Variants in AFF2 observed in about 807,000 individuals in gnomAD.
The protein encoded by AFF2 is ALF transcription elongation factor 2.
AFF2 carries 14 observed loss-of-function variants against 76.9 expected under a neutral mutation model. The ratio of observed to expected loss-of-function variants is 0.18; its 90% CI spans 0.12 to 0.28. AFF2 has a LOEUF of 0.28. Ranked by LOEUF, AFF2 falls within the 10% of genes least tolerant of loss-of-function variation. The pLI, the probability that AFF2 is intolerant of heterozygous loss-of-function variation, is 1.00. For synonymous variants in AFF2, 398 were observed against 366.7 expected, an observed-to-expected ratio of 1.09 and a Z score of -0.98; for missense variants, 868 against 1,001.1, an observed-to-expected ratio of 0.87 and a Z score of 1.79.
At chrX:148,671,682 C>G (rs1421140598) in intron 3 of AFF2, among the ~76,000 whole-genome samples, 1 of 111,358 alleles carries the variant, frequency 9.0e-6, no homozygotes, top group Non-Finnish European at 1.9e-5. Context: ...CAGTTTCTGA[C>G]TTTGTAAGAC....
At chrX:148,522,824 C>A (rs1557234703) in intron 1 of AFF2, among the ~76,000 whole-genome samples, 4 of 112,374 alleles carry the variant, frequency 3.6e-5, no homozygotes. Context: ...ACGTTCATTT[C>A]TTGCAACTAA....
chrX:148,535,931 GC>G (rs1393964337), intron 1 of AFF2, among the ~76,000 whole-genome samples: 2 of 111,990 alleles, frequency 1.8e-5, no homozygotes, highest in African/African-American at 6.5e-5. Context: ...TGCCTAGAGT[GC>G]CCCCCTCATT....
rs782716064 is a variant in AFF2, at chrX:148,693,644, G to A, written c.1041+30876G>A. 4.4e-4 allele frequency among the ~76,000 whole-genome samples: 49 copies of A among 111,580 alleles called. 1 individual carries two copies. Among genetic ancestry groups the A allele is most frequent in the Non-Finnish European group, 4.1e-4 (22 of 53,110 alleles). ...TTGACTCAACTTGATGTCTGTTTCTGGCTCTGGCCTCCTGGACTAAGCCAC... is the reference window on the plus strand; with the variant it reads ...TTGACTCAACTTGATGTCTGTTTCTAGCTCTGGCCTCCTGGACTAAGCCAC... On this transcript the variant is annotated intron_variant, in intron 3 of 20. Transcript: ENST00000370460.
At chrX:148,719,815 A>G (rs782112145) in intron 3 of AFF2, among the ~76,000 whole-genome samples, 5 of 111,629 alleles carry the variant, frequency 4.5e-5, no homozygotes, top group African/African-American at 1.6e-4. Context: ...ACCAGCAACA[A>G]TGACAACAAA....
rs1383826308 is a variant in AFF2, at chrX:148,987,412, C to T, written c.3669C>T (p.Asn1223=). 35 of 1,208,862 alleles carry T rather than the reference C, an allele frequency of 2.9e-5. No homozygotes were observed. Among genetic ancestry groups the T allele is most frequent in the Admixed American group, 8.7e-5 (4 of 45,723 alleles). The change falls in exon 20 of 21, where the codon AAC becomes AAT. Residue 1223 remains asparagine, a synonymous_variant. Coordinates refer to ENST00000370460, the MANE Select transcript of AFF2 (RefSeq NM_002025.4). The stretch of plus-strand genomic sequence containing the variant: ...CTCTCAACAACGTCTCCCCCATCAA[C>T]GCAATGGGGAACTGTAACAATGGCC... ...PVSLNNVSPI[N]AMGNCNNGPV... is the part of the protein sequence containing the mutation.
chrX:148,855,262 C>T (rs1476018860), intron 7 of AFF2, among the ~76,000 whole-genome samples: 2 of 111,124 alleles, frequency 1.8e-5, no homozygotes, highest in South Asian at 3.9e-4. Context: ...GTGATAGTGA[C>T]GACTGAATTG....
intron 7 of AFF2, among the ~76,000 whole-genome samples, chrX:148,859,705 T>TA (rs2124046793): frequency 8.9e-6 from 1 of 111,745 alleles, no homozygotes; most frequent in South Asian, 3.6e-4. Flanking sequence ...AATGTATAAT[T>TA]AAAAATTAAA....
chrX:148,850,769 A>T (rs1246932586), intron 7 of AFF2, among the ~76,000 whole-genome samples: 1 of 112,591 alleles, frequency 8.9e-6, no homozygotes. Context: ...AATTGAAAAG[A>T]AACCAGGCGT....
intron 1 of AFF2, among the ~76,000 whole-genome samples, chrX:148,529,854 G>C (rs1379772868): frequency 1.8e-5 from 2 of 111,821 alleles, no homozygotes; most frequent in Non-Finnish European, 3.8e-5. Flanking sequence ...TCTGTTGTTG[G>C]GAATGAAGTG....
chrX:148,534,875 A>G (rs1294669186), intron 1 of AFF2, among the ~76,000 whole-genome samples: 1 of 112,060 alleles, frequency 8.9e-6, no homozygotes, highest in Non-Finnish European at 1.9e-5. Context: ...TTTCATTTCT[A>G]AATCACATAT....
chrX:148,579,309 T>A (rs1225846130), intron 1 of AFF2, among the ~76,000 whole-genome samples: 1 of 111,870 alleles, frequency 8.9e-6, no homozygotes, highest in African/African-American at 3.3e-5. Flanking sequence ...TGTTACCAGA[T>A]TGGCTCCAAT....
At chrX:148,882,552 T>C (rs1451454657) in intron 7 of AFF2, among the ~76,000 whole-genome samples, 15 of 111,812 alleles carry the variant, frequency 1.3e-4, no homozygotes, top group African/African-American at 4.6e-4. Flanking sequence ...TCTGTTTTTT[T>C]TAAGATCACA....
At chrX:148,770,602 T>C (rs2069575012) in intron 3 of AFF2, among the ~76,000 whole-genome samples, 1 of 111,610 alleles carries the variant, frequency 9.0e-6, no homozygotes, top group Admixed American at 9.5e-5. Flanking sequence ...AATCTATTGA[T>C]AAGTGGGAGG....
chrX:148,638,729 C>T (rs2054057334), intron 1 of AFF2, among the ~76,000 whole-genome samples: 1 of 110,795 alleles, frequency 9.0e-6, no homozygotes, highest in African/African-American at 3.3e-5. Context: ...AGGTGCCACA[C>T]ACTTAAACAA....
intron 1 of AFF2, among the ~76,000 whole-genome samples, chrX:148,596,346 C>T (rs782468711): frequency 8.9e-5 from 10 of 111,841 alleles, no homozygotes; most frequent in Non-Finnish European, 1.7e-4. Context: ...GAGCGCCGCC[C>T]GCCTCCAACC....
intron 9 of AFF2, among the ~76,000 whole-genome samples, chrX:148,942,223 T>C (rs73614022): frequency 0.046 from 4,929 of 107,631 alleles, 296 homozygotes; most frequent in African/African-American, 0.16. Flanking sequence ...AACGTGCCAC[T>C]GTAGATAGAG....
rs970836852 is a variant in AFF2 at position 148,997,625 on chromosome X, G to A, written c.*6293G>A. 2 of 111,963 alleles carry A rather than the reference G, an allele frequency of 1.8e-5. No homozygotes were observed. The highest frequency in any genetic ancestry group is 3.8e-5 in the Non-Finnish European group (2 of 53,236). The allele number at this position is 111,963 out of a possible 1,213,427, so 9.2% of individuals were successfully genotyped here. A position where few individuals can be genotyped will look rare whatever the true frequency, so the allele number is the denominator to read the frequency against. Reference sequence around the variant, plus strand: ...TGTAGCTGGCACGATAGCAGGGACTGGGGGTCTATCCTTTCATGGTATTGC... The same window carrying A: ...TGTAGCTGGCACGATAGCAGGGACTAGGGGTCTATCCTTTCATGGTATTGC... On this transcript the variant is annotated 3_prime_UTR_variant, in exon 21 of 21. Transcript: ENST00000370460.
intron 3 of AFF2, among the ~76,000 whole-genome samples, chrX:148,671,844 T>A (rs2054427377): frequency 9.1e-6 from 1 of 110,159 alleles, no homozygotes; most frequent in African/African-American, 3.3e-5. Context: ...ACTCAGCACA[T>A]AGCCTCCTAA....
At chrX:148,770,501 A>C (rs1401709094) in intron 3 of AFF2, among the ~76,000 whole-genome samples, 1 of 111,771 alleles carries the variant, frequency 8.9e-6, no homozygotes, top group Non-Finnish European at 1.9e-5. Context: ...GGTACTACAA[A>C]TGGAGGAACT....
Sources: gnomAD v4.1 joint callset for allele counts (sites outside exome capture counted in the v4.1 genomes callset) on GRCh38, gnomAD v4.1.1 for gene constraint, MANE v1.5 for transcripts, NCBI Gene and HGNC (gene_info 2026-07-23, HGNC 2026-07-21) for gene names.